Variants in ELF1 observed in about 807,000 individuals in gnomAD.
The protein encoded by ELF1 is ETS-related transcription factor Elf-1.
A neutral mutation model predicts 59.9 loss-of-function variants in ELF1; 24 were observed. The observed-to-expected ratio is 0.40, with a 90% confidence interval of 0.29 to 0.56. ELF1 has a LOEUF of 0.56. Among genes scored for constraint, ELF1 ranks in the 20% least tolerant of loss-of-function variants. The pLI is 0.44. For synonymous variants in ELF1, 248 were observed against 266.2 expected (o/e 0.93, Z 0.67); for missense variants, 627 against 742.2 (o/e 0.84, Z 1.80).
chr13:40,982,037 T>C lies in ELF1; in HGVS notation c.18A>G (p.Gln6=), dbSNP rs61731737. The C allele has an allele frequency of 6.2e-6, 10 of 1,612,616 alleles. No individual in the cohort carries two copies. Among genetic ancestry groups the C allele is most frequent in the Non-Finnish European group, 6.8e-6 (8 of 1,179,252 alleles). MAAVV[Q]QNDLVFEFAS... Reference sequence around the variant, plus strand: ...CAAATTCAAATACTAGGTCGTTCTGTTGGACAACAGCAGCCATAATAAAGC... The same window carrying C: ...CAAATTCAAATACTAGGTCGTTCTGCTGGACAACAGCAGCCATAATAAAGC... Residue 6 remains glutamine (Q), a synonymous_variant, in exon 2 of 9, where the codon CAA becomes CAG. Coordinates refer to ENST00000239882, the MANE Select transcript of ELF1 (RefSeq NM_172373.4).
intron 1 of ELF1, among the ~76,000 whole-genome samples, chr13:41,010,391 C>T (rs1450381380): frequency 6.6e-6 from 1 of 151,512 alleles, no homozygotes; most frequent in Non-Finnish European, 1.5e-5. Context: ...TTTGAGGCTG[C>T]AGCAAGCTAT....
At chr13:41,009,174 T>C (rs1273316492) in intron 1 of ELF1, among the ~76,000 whole-genome samples, 1 of 151,988 alleles carries the variant, frequency 6.6e-6, no homozygotes, top group East Asian at 1.9e-4. Context: ...TTCAAGTTTG[T>C]TTTAATTTCT....
chr13:41,008,545 A>C (rs191992198), intron 1 of ELF1, among the ~76,000 whole-genome samples: 1 of 152,130 alleles, frequency 6.6e-6, no homozygotes, highest in Non-Finnish European at 1.5e-5. Flanking sequence ...TGACTCACGC[A>C]TGATGTTACA....
intron 2 of ELF1, among the ~76,000 whole-genome samples, chr13:40,976,301 A>G (rs1004491177): frequency 2.6e-5 from 4 of 152,188 alleles, no homozygotes; most frequent in African/African-American, 9.7e-5. Flanking sequence ...GTTTTGGTAC[A>G]CTCTACTGCT....
chr13:41,060,845 G>C (rs909631481), exon 1 of ELF1: 4 of 300,284 alleles, frequency 1.3e-5, no homozygotes, highest in Non-Finnish European at 2.6e-5. Flanking sequence ...CACCTGACAA[G>C]CATAAGTGCC....
rs1876827234 is a variant in ELF1 at position 41,045,971 on chromosome 13, TA to T, written c.-229+14866del. 2.6e-5 allele frequency among the ~76,000 whole-genome samples: 4 copies of T among 152,342 alleles called. No individual in the cohort carries two copies. In the South Asian group the frequency reaches 8.3e-4, roughly 32 times the overall value. ...TGCTTCATGAATCTGGGGGCTCCTGTATTGGGTGCATATATATTTAGGATAG... is the reference window on the plus strand; with the variant it reads ...TGCTTCATGAATCTGGGGGCTCCTGTTTGGGTGCATATATATTTAGGATAG... On this transcript the variant is annotated intron_variant, in intron 1 of 1. Coordinates refer to the ELF1 transcript ENST00000405737.
chr13:41,047,279 G>A (rs555294002), intron 1 of ELF1, among the ~76,000 whole-genome samples: 5 of 152,290 alleles, frequency 3.3e-5, no homozygotes, highest in Admixed American at 6.5e-5. Context: ...CTCTCAACTC[G>A]TCAAAGTCAT....
At position 41,050,821 on chromosome 13, in the gene ELF1, C is replaced by CT. The variant is rs1877057405; in HGVS notation, c.-229+10016dup. Among the ~76,000 whole-genome samples the CT allele has an allele frequency of 2.0e-5, 3 of 152,128 alleles. No homozygotes were observed. In the South Asian group the frequency reaches 6.2e-4, roughly 31 times the overall value. ...GCCTAAGCCTCCCAAAGTGCTGGGA[C>CT]TACAGGCATGAGCCACCACACCCGG... On this transcript the variant is annotated intron_variant, in intron 1 of 1. Coordinates refer to the ELF1 transcript ENST00000405737.
chr13:40,942,821 TGAA>T, intron 7 of ELF1, 128 bp downstream of exon 7: 13 of 991,264 alleles, frequency 1.3e-5, no homozygotes, highest in Non-Finnish European at 1.6e-5. Flanking sequence ...CGCACCTGAC[TGAA>T]AATGTACCCT....
chr13:40,960,701 T>C (rs918160143), intron 2 of ELF1, among the ~76,000 whole-genome samples: 2 of 152,204 alleles, frequency 1.3e-5, no homozygotes, highest in Non-Finnish European at 2.9e-5. Flanking sequence ...GCCTCCCAAA[T>C]AGCTGGGACT....
At chr13:41,016,483 T>G (rs1875369788) in intron 1 of ELF1, among the ~76,000 whole-genome samples, 1 of 152,174 alleles carries the variant, frequency 6.6e-6, no homozygotes, top group African/African-American at 2.4e-5. Flanking sequence ...TATCTTATAA[T>G]AAGGTCAAAT....
At chr13:41,042,371 C>T (rs1024742415) in intron 1 of ELF1, among the ~76,000 whole-genome samples, 1 of 151,722 alleles carries the variant, frequency 6.6e-6, no homozygotes, top group African/African-American at 2.4e-5. Context: ...AGGTTTGTCA[C>T]ATATGTATAC....
chr13:41,035,845 AAC>A (rs1483177362), intron 1 of ELF1, among the ~76,000 whole-genome samples: 5 of 146,804 alleles, frequency 3.4e-5, no homozygotes, highest in African/African-American at 1.0e-4. Context: ...TTAAAAAAAA[AAC>A]AACAACAACA....
rs573499440 is a variant in ELF1, at chr13:40,993,002, T to C, written c.-228-10720A>G. 6.8e-6 allele frequency: 9 copies of C among 1,332,592 alleles called. No homozygotes were observed. In the East Asian group the frequency reaches 1.6e-4, roughly 24 times the overall value. The allele number at this position is 1,332,592 out of a possible 1,614,324, so 82.5% of individuals were successfully genotyped here. A position where few individuals can be genotyped will look rare whatever the true frequency, so the allele number is the denominator to read the frequency against. ...AGTCTTCACAGGCAATCCAGAAAAG[T>C]AGGTTCTCTTTGTTGTATTCTGTTC... On this transcript the variant is annotated intron_variant, in intron 1 of 8. Transcript: ENST00000239882.
At chr13:40,985,380 A>T (rs1273615453) in intron 1 of ELF1, among the ~76,000 whole-genome samples, 1 of 152,176 alleles carries the variant, frequency 6.6e-6, no homozygotes, top group Non-Finnish European at 1.5e-5. Context: ...TCCATTTTTA[A>T]TTAGTAAATT....
chr13:41,035,538 T>G (rs1157359189), intron 1 of ELF1, among the ~76,000 whole-genome samples: 1 of 152,088 alleles, frequency 6.6e-6, no homozygotes, highest in Non-Finnish European at 1.5e-5. Flanking sequence ...TCTGAACAGC[T>G]GGGTTAGGAT....
chr13:40,944,568 A>G (rs941315738), intron 5 of ELF1, among the ~76,000 whole-genome samples: 1 of 152,118 alleles, frequency 6.6e-6, no homozygotes, highest in East Asian at 1.9e-4. Flanking sequence ...CCCACCATCA[A>G]TGTCTAAATA....
rs1288237234 is a variant in ELF1 at position 41,018,305 on chromosome 13, C to T, written c.-229+923G>A. 2.0e-5 allele frequency among the ~76,000 whole-genome samples: 3 copies of T among 152,188 alleles called. No homozygotes were observed. In the South Asian group the frequency reaches 6.2e-4, roughly 31 times the overall value. On this transcript the variant is annotated intron_variant, in intron 1 of 8. Coordinates refer to ENST00000239882, the MANE Select transcript of ELF1 (RefSeq NM_172373.4). ...CTTGCCAGCCAAAATCTCATAACTA[C>T]AATGACAAGTACTTCAGGAAAAGAC...
intron 8 of ELF1, among the ~76,000 whole-genome samples, chr13:40,940,407 A>AAC (rs1870069593): frequency 1.3e-5 from 1 of 77,068 alleles, no homozygotes; most frequent in Non-Finnish European, 3.7e-5. Flanking sequence ...AAAAAAAAAA[A>AAC]AAAAAAAAAA....
Sources: gnomAD v4.1 joint callset for allele counts (sites outside exome capture counted in the v4.1 genomes callset) on GRCh38, gnomAD v4.1.1 for gene constraint, MANE v1.5 for transcripts, NCBI Gene and HGNC (gene_info 2026-07-23, HGNC 2026-07-21) for gene names.